Variants in ASZ1 observed in about 807,000 individuals in gnomAD.
The protein encoded by ASZ1 is ankyrin repeat, SAM and basic leucine zipper domain containing 1.
ASZ1 carries 67 observed loss-of-function variants against 61.8 expected under a neutral mutation model. That is an observed-to-expected ratio of 1.08 (90% confidence interval 0.89 to 1.33). ASZ1 has a LOEUF of 1.33. Among genes scored for constraint, ASZ1 ranks in the 40% most tolerant of loss-of-function variants. The pLI is 0.00. For missense variants in ASZ1, 577 were observed against 554.5 expected (o/e 1.04, Z -0.41); for synonymous variants, 193 against 192.7 (o/e 1.00, Z -0.01).
chr7:117,365,305 AG>A (rs1437244601), intron 12 of ASZ1, among the ~76,000 whole-genome samples: 1 of 152,168 alleles, frequency 6.6e-6, no homozygotes, highest in Non-Finnish European at 1.5e-5. Context: ...CACGGGAAAA[AG>A]GTCTTCTATT....
chr7:117,404,535 A>G (rs1177813139), intron 4 of ASZ1, among the ~76,000 whole-genome samples: 1 of 150,998 alleles, frequency 6.6e-6, no homozygotes, highest in African/African-American at 2.4e-5. Context: ...TGGCTTCCAT[A>G]TTAGGGTGCT....
chr7:117,419,321 T>G (rs1797057283), intron 4 of ASZ1, among the ~76,000 whole-genome samples: 1 of 152,136 alleles, frequency 6.6e-6, no homozygotes, highest in African/African-American at 2.4e-5. Context: ...CAACAAAGAT[T>G]TGGGAACTAT....
chr7:117,422,410 A>T (rs1331546761), intron 2 of ASZ1, 51 bp from the exon 3 acceptor site: 1 of 1,586,538 alleles, frequency 6.3e-7, no homozygotes, highest in Non-Finnish European at 8.6e-7. Context: ...CAAAGAAAAA[A>T]ATCAGTCACC....
intron 2 of ASZ1, 152 bp downstream of exon 2, chr7:117,426,684 C>G (rs947420006): frequency 1.5e-6 from 1 of 678,076 alleles, no homozygotes; most frequent in Non-Finnish European, 2.5e-6. Context: ...GAAAATAAGG[C>G]AGACTGGACT....
intron 11 of ASZ1, chr7:117,367,850 T>C (rs144945488): frequency 1.4e-4 from 141 of 986,652 alleles, no homozygotes; most frequent in Non-Finnish European, 1.5e-4. Flanking sequence ...CCTAATCACA[T>C]GAAATAAGCT....
intron 3 of ASZ1, 74 bp downstream of exon 3, chr7:117,422,163 C>G (rs17139821): frequency 0.078 from 118,061 of 1,509,114 alleles, 4,802 homozygotes; most frequent in Middle Eastern, 0.11. Context: ...GTTTTTTGCA[C>G]TTTATATAAT....
intron 8 of ASZ1, 62 bp downstream of exon 8, chr7:117,382,007 A>T: frequency 9.3e-7 from 1 of 1,077,802 alleles, no homozygotes; most frequent in East Asian, 2.4e-5. Flanking sequence ...AATATCTAAC[A>T]TTATATTAAC....
Position 117,420,282 on chromosome 7 carries a change from G to C in ASZ1, c.329-8C>G, listed in dbSNP as rs1407296174. Reference sequence around the variant, plus strand: ...TCAAAATACTTTGCTTATCTATAGTGAATAGAAAAGTGAGGAAAAATCCCC... The same window carrying C: ...TCAAAATACTTTGCTTATCTATAGTCAATAGAAAAGTGAGGAAAAATCCCC... On this transcript the variant is annotated splice_polypyrimidine_tract_variant and splice_region_variant and intron_variant, in intron 3 of 12. Coordinates refer to ENST00000284629, the MANE Select transcript of ASZ1 (RefSeq NM_130768.3). 1 of 1,595,440 alleles carries C rather than the reference G, an allele frequency of 6.3e-7. No homozygotes were observed. The highest frequency in any genetic ancestry group is 8.6e-7 in the Non-Finnish European group (1 of 1,168,348).
intron 12 of ASZ1, among the ~76,000 whole-genome samples, chr7:117,366,102 A>G (rs2116441156): frequency 6.6e-6 from 1 of 152,258 alleles, no homozygotes; most frequent in South Asian, 2.1e-4. Context: ...CATCTCTACT[A>G]AAAATACAAA....
At chr7:117,413,229 C>T (rs1217299840) in intron 4 of ASZ1, among the ~76,000 whole-genome samples, 1 of 151,924 alleles carries the variant, frequency 6.6e-6, no homozygotes, top group Non-Finnish European at 1.5e-5. Flanking sequence ...ATACATTCTA[C>T]TGGTGGATCC....
intron 3 of ASZ1, 59 bp from the exon 4 acceptor site, chr7:117,420,333 TC>T: frequency 8.3e-7 from 1 of 1,205,104 alleles, no homozygotes; most frequent in Non-Finnish European, 1.2e-6. Context: ...CTATTCGATG[TC>T]TTTACCACTC....
chr7:117,426,964 T>C, intron 1 of ASZ1, 29 bp from the exon 2 acceptor site: 1 of 1,561,080 alleles, frequency 6.4e-7, no homozygotes, highest in Non-Finnish European at 8.6e-7. Flanking sequence ...TAAAAAATTC[T>C]TGTTATATAT....
At chr7:117,405,223 C>A (rs1323907757) in intron 4 of ASZ1, among the ~76,000 whole-genome samples, 1 of 152,176 alleles carries the variant, frequency 6.6e-6, no homozygotes, top group Non-Finnish European at 1.5e-5. Context: ...AACTTGTCAG[C>A]CTGACAGTTG....
chr7:117,423,670 C>T (rs1562862784), intron 2 of ASZ1, among the ~76,000 whole-genome samples: 1 of 141,536 alleles, frequency 7.1e-6, no homozygotes, highest in Non-Finnish European at 1.5e-5. Flanking sequence ...ACAGTGAAAC[C>T]CTGTTTCTAC....
intron 4 of ASZ1, among the ~76,000 whole-genome samples, chr7:117,394,696 C>T (rs1336194637): frequency 2.6e-5 from 4 of 152,144 alleles, no homozygotes; most frequent in Non-Finnish European, 4.4e-5. Context: ...TTCTCCATGT[C>T]TCTACCTTTC....
At chr7:117,387,903 C>T (rs1796391631) in intron 4 of ASZ1, among the ~76,000 whole-genome samples, 3 of 152,116 alleles carry the variant, frequency 2.0e-5, no homozygotes, top group Admixed American at 1.3e-4. Context: ...AATTTTCAAA[C>T]CTCTAGCTAG....
chr7:117,365,501 C>T (rs1026027401), intron 12 of ASZ1, among the ~76,000 whole-genome samples: 3 of 152,134 alleles, frequency 2.0e-5, no homozygotes, highest in African/African-American at 7.2e-5. Context: ...ACCCCTCACC[C>T]CCATGTTTTT....
chr7:117,380,783 A>AAAAAAAC (rs1554360971), intron 9 of ASZ1, among the ~76,000 whole-genome samples: 2 of 150,484 alleles, frequency 1.3e-5, no homozygotes, highest in Admixed American at 1.3e-4. Context: ...GACAATCTGA[A>AAAAAAAC]AAAAACAAAA....
At chr7:117,379,168 T>TATATATACACACACAC (rs1161457624) in intron 10 of ASZ1, among the ~76,000 whole-genome samples, 59 of 69,666 alleles carry the variant, frequency 8.5e-4, no homozygotes, top group African/African-American at 2.7e-3. Flanking sequence ...TATATATATA[T>TATATATACACACACAC]ACACACACAC....
Sources: allele counts gnomAD v4.1 joint callset (sites outside exome capture counted in the v4.1 genomes callset), GRCh38; gene constraint gnomAD v4.1.1; transcripts MANE v1.5; gene names NCBI Gene and HGNC (gene_info 2026-07-23, HGNC 2026-07-21).